NFKB1: variants seen among roughly 807,000 people sequenced by gnomAD.
NFKB1 encodes nuclear factor NF-kappa-B p105 subunit.
A neutral mutation model predicts 105.1 loss-of-function variants in NFKB1; 9 were observed. The ratio of observed to expected loss-of-function variants is 0.09; its 90% CI spans 0.05 to 0.15. The LOEUF is 0.15. NFKB1 is among the 10% of genes least tolerant of loss of function. NFKB1 has a pLI of 1.00. For synonymous variants in NFKB1, 440 were observed against 442.2 expected (o/e 1.00, Z 0.06); for missense variants, 830 against 1,203.7 (o/e 0.69, Z 4.59).
intron 5 of NFKB1, among the ~76,000 whole-genome samples, chr4:102,559,599 T>C (rs1316897118): frequency 6.6e-6 from 1 of 152,006 alleles, no homozygotes; most frequent in Admixed American, 6.6e-5. Context: ...TATATTATAC[T>C]TTAAAGAAGA....
intron 1 of NFKB1, among the ~76,000 whole-genome samples, chr4:102,518,568 T>C (rs1205097551): frequency 6.6e-6 from 1 of 152,210 alleles, no homozygotes; most frequent in African/African-American, 2.4e-5. Context: ...AACTGTTGAA[T>C]TAGTTTGCTT....
At position 102,605,435 on chromosome 4, in the gene NFKB1, C is replaced by T. The variant is rs539491901; in HGVS notation, c.1753-1061C>T. ...CCTGCTGCTGTAGCCAGTAACTGCT[C>T]AATGAAAAGGGAATTTTAGGCAAAT... is the stretch of plus-strand genomic sequence containing the variant. On this transcript the variant is annotated intron_variant, in intron 16 of 23. Coordinates refer to ENST00000226574, the MANE Select transcript of NFKB1 (RefSeq NM_003998.4). 2.0e-5 allele frequency among the ~76,000 whole-genome samples: 3 copies of T among 152,234 alleles called. No homozygotes were observed. In the East Asian group the frequency reaches 5.8e-4, roughly 29 times the overall value.
At chr4:102,526,855 G>C (rs780965633) in intron 2 of NFKB1, among the ~76,000 whole-genome samples, 4 of 151,756 alleles carry the variant, frequency 2.6e-5, no homozygotes, top group Admixed American at 6.6e-5. Context: ...AGAAATGTTG[G>C]AATAATCTAA....
chr4:102,566,951 A>G (rs867821182), intron 5 of NFKB1, 36 bp from the exon 6 acceptor site: 1 of 1,610,122 alleles, frequency 6.2e-7, no homozygotes, highest in African/African-American at 1.3e-5. Context: ...CTGGAGAGTC[A>G]GATATGCTAA....
At chr4:102,512,654 T>TTAAA (rs1331257192) in intron 1 of NFKB1, among the ~76,000 whole-genome samples, 2 of 152,250 alleles carry the variant, frequency 1.3e-5, no homozygotes, top group Non-Finnish European at 2.9e-5. Flanking sequence ...CATGTATATG[T>TTAAA]TAAAGCGTTT....
At chr4:102,513,670 T>C (rs577125827) in intron 1 of NFKB1, among the ~76,000 whole-genome samples, 1 of 152,310 alleles carries the variant, frequency 6.6e-6, no homozygotes, top group East Asian at 1.9e-4. Context: ...TAAGAGGCAC[T>C]TTTTTCTCCC....
intron 1 of NFKB1, among the ~76,000 whole-genome samples, chr4:102,507,343 A>T (rs771078566): frequency 2.0e-5 from 3 of 152,220 alleles, no homozygotes; most frequent in African/African-American, 4.8e-5. Flanking sequence ...ACAAGGCTCT[A>T]ACTTTGTTAT....
Position 102,571,381 on chromosome 4 carries a change from TAGA to T in NFKB1, c.407+4253_407+4255del, listed in dbSNP as rs1424096291. On this transcript the variant is annotated intron_variant, in intron 6 of 23. Coordinates refer to ENST00000226574, the MANE Select transcript of NFKB1 (RefSeq NM_003998.4). ...GTTATATCTAAAACCATAAAAACCC[TAGA>T]AGAAGACCTAGGCAATACCATTCAG... is the stretch of plus-strand genomic sequence containing the variant. Among the ~76,000 whole-genome samples the T allele has an allele frequency of 2.0e-5, 3 of 152,154 alleles. No individual in the cohort carries two copies. The East Asian group carries it at 5.8e-4, about 29-fold the overall frequency.
chr4:102,584,051 TACC>T (rs1475007189), intron 10 of NFKB1, among the ~76,000 whole-genome samples: 1 of 152,196 alleles, frequency 6.6e-6, no homozygotes, highest in African/African-American at 2.4e-5. Flanking sequence ...TAACAGTATT[TACC>T]ACTGGCTGGT....
At chr4:102,526,647 C>T (rs903505329) in intron 2 of NFKB1, among the ~76,000 whole-genome samples, 13 of 152,094 alleles carry the variant, frequency 8.5e-5, no homozygotes, top group African/African-American at 2.2e-4. Flanking sequence ...ACTTAGTCCC[C>T]GTAATCCTCA....
intron 6 of NFKB1, among the ~76,000 whole-genome samples, 157 bp from the exon 7 acceptor site, chr4:102,576,719 C>T (rs1220006842): frequency 6.6e-6 from 1 of 151,768 alleles, no homozygotes; most frequent in Non-Finnish European, 1.5e-5. Context: ...ATCAAAAATA[C>T]CCTAAATTCT....
intron 6 of NFKB1, among the ~76,000 whole-genome samples, chr4:102,575,147 G>A (rs771526897): frequency 8.5e-5 from 13 of 152,162 alleles, no homozygotes; most frequent in Non-Finnish European, 1.8e-4. Context: ...TTTATCAACA[G>A]ATACTTATTA....
In NFKB1 at chr4:102,593,303, T is replaced by G. The variant is rs538375574; in HGVS notation, c.1067-122T>G. On this transcript the variant is annotated intron_variant, in intron 11 of 23. Transcript: ENST00000226574. ...TTGAAATTTACCATCTCTTCCTCTT[T>G]GAGTGCTTTCTATTTCCCTTTAAGA... 1.4e-5 allele frequency: 13 copies of G among 925,210 alleles called. No individual in the cohort carries two copies. In the African/African-American group the frequency reaches 1.7e-4, roughly 12 times the overall value. 57.3% of individuals were successfully genotyped at this position (925,210 alleles called of 1,614,324 possible). A position where few individuals can be genotyped will look rare whatever the true frequency, so the allele number is the denominator to read the frequency against.
chr4:102,597,671 A>G lies in NFKB1; in HGVS notation c.1637+10A>G. 1 of 1,606,852 alleles carries G rather than the reference A, an allele frequency of 6.2e-7. No homozygotes were observed. Among genetic ancestry groups the G allele is most frequent in the Non-Finnish European group, 8.5e-7 (1 of 1,175,308 alleles). ...ATGAGAATGGGGACAGGTAAGTCAG[A>G]ACTTTTGCATGATAGGTTGTCCTGG... On this transcript the variant is annotated intron_variant, in intron 15 of 23. Coordinates refer to ENST00000226574, the MANE Select transcript of NFKB1 (RefSeq NM_003998.4).
At chr4:102,613,292 G>T in intron 22 of NFKB1, 133 bp from the exon 23 acceptor site, 2 of 875,566 alleles carry the variant, frequency 2.3e-6, no homozygotes. Flanking sequence ...GCTCTTCTCT[G>T]CCCTTTCCAT....
intron 3 of NFKB1, 103 bp from the exon 4 acceptor site, chr4:102,533,742 A>C (rs934496050): frequency 3.2e-6 from 3 of 926,826 alleles, no homozygotes; most frequent in Admixed American, 5.2e-5. Context: ...TGAAATTTCT[A>C]CATAAAAACA....
chr4:102,573,516 CAT>C (rs1490805878), intron 6 of NFKB1, among the ~76,000 whole-genome samples: 2 of 151,958 alleles, frequency 1.3e-5, no homozygotes, highest in Admixed American at 1.3e-4. Flanking sequence ...TGGATATTAG[CAT>C]AGTTTCCTTC....
At chr4:102,522,039 G>A (rs1740608281) in intron 1 of NFKB1, among the ~76,000 whole-genome samples, 1 of 152,140 alleles carries the variant, frequency 6.6e-6, no homozygotes, top group African/African-American at 2.4e-5. Context: ...TCGCCCTTTT[G>A]GCTTCAAGGT....
At chr4:102,615,603 AT>A (rs1728877577) in intron 23 of NFKB1, among the ~76,000 whole-genome samples, 1 of 152,220 alleles carries the variant, frequency 6.6e-6, no homozygotes, top group East Asian at 1.9e-4. Context: ...AATACTTAAC[AT>A]TTTTTTAAAA....
Sources: gnomAD v4.1 joint callset for allele counts (sites outside exome capture counted in the v4.1 genomes callset) on GRCh38, gnomAD v4.1.1 for gene constraint, MANE v1.5 for transcripts, NCBI Gene and HGNC (gene_info 2026-07-23, HGNC 2026-07-21) for gene names.